Variants in GPC6 observed in about 807,000 individuals in gnomAD.
The protein encoded by GPC6 is glypican-6.
A neutral mutation model predicts 55.2 loss-of-function variants in GPC6; 14 were observed. That is an observed-to-expected ratio of 0.25 (90% CI 0.17 to 0.40). The LOEUF is 0.40. Among genes scored for constraint, GPC6 ranks in the 10% least tolerant of loss-of-function variants. GPC6 has a pLI of 1.00. For missense variants in GPC6, 641 were observed against 708.5 expected, an observed-to-expected ratio of 0.90 and a Z score of 1.08; for synonymous variants, 278 against 259.6, an observed-to-expected ratio of 1.07 and a Z score of -0.68.
intron 3 of GPC6, among the ~76,000 whole-genome samples, chr13:93,990,010 A>G (rs1049459254): frequency 2.0e-5 from 3 of 151,138 alleles, no homozygotes; most frequent in Non-Finnish European, 4.4e-5. Flanking sequence ...ATAAATGTAA[A>G]GCACACCTTT....
chr13:93,663,221 A>G (rs1477670973), intron 2 of GPC6, among the ~76,000 whole-genome samples: 1 of 152,172 alleles, frequency 6.6e-6, no homozygotes, highest in Admixed American at 6.5e-5. Flanking sequence ...AGTTTTATAA[A>G]GTAATACAGG....
At chr13:93,488,924 T>C (rs1879841162) in intron 1 of GPC6, among the ~76,000 whole-genome samples, 1 of 152,154 alleles carries the variant, frequency 6.6e-6, no homozygotes, top group Admixed American at 6.5e-5. Context: ...ATAGGTTGCC[T>C]GTTCCCGCTG....
chr13:93,530,499 T>C (rs1881825308), intron 1 of GPC6, among the ~76,000 whole-genome samples: 1 of 152,212 alleles, frequency 6.6e-6, no homozygotes, highest in East Asian at 1.9e-4. Flanking sequence ...GTCTAGGGGC[T>C]TTTCTATTAG....
chr13:94,154,146 A>T (rs1401355608), intron 4 of GPC6: 1 of 152,166 alleles, frequency 6.6e-6, no homozygotes, highest in Non-Finnish European at 1.5e-5. Flanking sequence ...GAGATTATAA[A>T]TTTATATTAA....
chr13:93,484,437 A>C (rs915136736), intron 1 of GPC6, among the ~76,000 whole-genome samples: 1 of 152,168 alleles, frequency 6.6e-6, no homozygotes, highest in African/African-American at 2.4e-5. Flanking sequence ...ATATTCTGAA[A>C]GATTTTTGTC....
intron 1 of GPC6, among the ~76,000 whole-genome samples, chr13:93,252,040 A>T (rs902527310): frequency 6.6e-6 from 1 of 152,172 alleles, no homozygotes; most frequent in African/African-American, 2.4e-5. Flanking sequence ...ATTTGTTGAA[A>T]CCAGTGGTTC....
intron 4 of GPC6, among the ~76,000 whole-genome samples, chr13:94,264,174 T>C (rs1341787967): frequency 1.3e-5 from 2 of 152,228 alleles, no homozygotes; most frequent in East Asian, 3.8e-4. Flanking sequence ...CCCTTGTTGA[T>C]ATGACAAAGG....
At chr13:93,755,201 C>T (rs1884728073) in intron 2 of GPC6, among the ~76,000 whole-genome samples, 1 of 152,132 alleles carries the variant, frequency 6.6e-6, no homozygotes, top group African/African-American at 2.4e-5. Flanking sequence ...GGACCCACCA[C>T]AATGTAGAAG....
intron 4 of GPC6, among the ~76,000 whole-genome samples, chr13:94,159,780 C>T (rs1217090872): frequency 6.6e-6 from 1 of 152,160 alleles, no homozygotes; most frequent in South Asian, 2.1e-4. Context: ...GTCACTAGTA[C>T]TAATTAAAAG....
chr13:93,337,724 T>A (rs751300585), intron 1 of GPC6, among the ~76,000 whole-genome samples: 32 of 152,220 alleles, frequency 2.1e-4, no homozygotes, highest in Non-Finnish European at 4.1e-4. Context: ...CTGGTGGAGA[T>A]GCTTATGTTG....
rs141219955 is a variant in GPC6, at chr13:93,724,112, A to G, written c.320-106042A>G. On this transcript the variant is annotated intron_variant, in intron 2 of 8. Coordinates refer to ENST00000377047, the MANE Select transcript of GPC6 (RefSeq NM_005708.5). The stretch of plus-strand genomic sequence containing the variant: ...GCTATTTTTTTTTTACTACAAGTAA[A>G]TAATAACTTATTTTCATAAGCTTTT... 4.2e-3 allele frequency among the ~76,000 whole-genome samples: 639 copies of G among 152,104 alleles called. 12 individuals are homozygous for G. The highest frequency in any genetic ancestry group is 5.8e-3 in the South Asian group (28 of 4,826).
At chr13:93,609,714 G>A (rs1339878764) in intron 2 of GPC6, among the ~76,000 whole-genome samples, 1 of 152,096 alleles carries the variant, frequency 6.6e-6, no homozygotes, top group East Asian at 1.9e-4. Flanking sequence ...TCACCAGATG[G>A]AAGTTTATGC....
intron 2 of GPC6, among the ~76,000 whole-genome samples, chr13:93,593,873 T>C (rs1877602420): frequency 6.6e-6 from 1 of 152,140 alleles, no homozygotes; most frequent in Non-Finnish European, 1.5e-5. Context: ...GATTTCTCTG[T>C]ACTGAAATAT....
chr13:93,880,815 A>C (rs1450909261), intron 3 of GPC6, among the ~76,000 whole-genome samples: 2 of 152,002 alleles, frequency 1.3e-5, no homozygotes, highest in East Asian at 3.9e-4. Context: ...GTGCATGGGG[A>C]GAATCACAGA....
At chr13:93,555,216 T>C (rs1025930487) in intron 2 of GPC6, among the ~76,000 whole-genome samples, 3 of 152,232 alleles carry the variant, frequency 2.0e-5, no homozygotes, top group African/African-American at 7.2e-5. Context: ...TTAATGCTTC[T>C]AGAGTTGACA....
chr13:94,339,913 A>G (rs890282080), intron 6 of GPC6, among the ~76,000 whole-genome samples: 5 of 151,350 alleles, frequency 3.3e-5, no homozygotes, highest in Non-Finnish European at 7.4e-5. Context: ...ACAGGCATGC[A>G]CCACCACACC....
chr13:93,245,113 GGACACT>G (rs1876555324), intron 1 of GPC6, among the ~76,000 whole-genome samples: 1 of 152,118 alleles, frequency 6.6e-6, no homozygotes, highest in African/African-American at 2.4e-5. Flanking sequence ...GGTGTGGAGG[GGACACT>G]GATTCATAGC....
At chr13:94,286,264 C>G (rs200065056) in intron 4 of GPC6, 85 bp from the exon 5 acceptor site, 46 of 1,394,046 alleles carry the variant, frequency 3.3e-5, no homozygotes, top group Non-Finnish European at 4.3e-5. Flanking sequence ...TATTTTTCAT[C>G]CAGTTGTTTT....
In GPC6 at chr13:94,403,255, A is replaced by G; in HGVS notation, c.*38A>G. 7.2e-7 allele frequency: 1 copy of G among 1,383,036 alleles called. No homozygotes were observed. Among genetic ancestry groups the G allele is most frequent in the Non-Finnish European group, 1.0e-6 (1 of 973,874 alleles). 85.7% of individuals were successfully genotyped at this position (1,383,036 alleles called of 1,614,324 possible). On this transcript the variant is annotated 3_prime_UTR_variant, in exon 9 of 9. Coordinates refer to ENST00000377047, the MANE Select transcript of GPC6 (RefSeq NM_005708.5). ...GGTCAGATGAAACTGCATTTTAGCT[A>G]TCTGAATGGCCAACTCACTTCTTTT... is the stretch of plus-strand genomic sequence containing the variant.
Sources: allele counts gnomAD v4.1 joint callset (sites outside exome capture counted in the v4.1 genomes callset), GRCh38; gene constraint gnomAD v4.1.1; transcripts MANE v1.5; gene names NCBI Gene and HGNC (gene_info 2026-07-23, HGNC 2026-07-21).